Variants in GRIK1 observed in about 807,000 individuals in gnomAD.
GRIK1 encodes the protein glutamate ionotropic receptor kainate type subunit 1.
A neutral mutation model predicts 105.7 loss-of-function variants in GRIK1; 69 were observed. The ratio of observed to expected loss-of-function variants is 0.65; its 90% confidence interval spans 0.54 to 0.80. GRIK1 has a LOEUF of 0.80. GRIK1 is among the 30% of genes least tolerant of loss of function. The pLI is 0.00. For synonymous variants in GRIK1, 438 were observed against 431.3 expected, an observed-to-expected ratio of 1.02 and a Z score of -0.19; for missense variants, 1,109 against 1,167.3, an observed-to-expected ratio of 0.95 and a Z score of 0.73.
intron 1 of GRIK1, among the ~76,000 whole-genome samples, chr21:29,853,056 CT>C (rs1324785021): frequency 6.6e-6 from 1 of 152,080 alleles, no homozygotes; most frequent in Non-Finnish European, 1.5e-5. Flanking sequence ...TGAAAATATT[CT>C]TTTATATAAA....
chr21:29,700,657 A>G (rs996690734), intron 1 of GRIK1, among the ~76,000 whole-genome samples: 1 of 152,040 alleles, frequency 6.6e-6, no homozygotes, highest in Non-Finnish European at 1.5e-5. Context: ...CACTGTTTCC[A>G]TGGAACAGGG....
intron 1 of GRIK1, among the ~76,000 whole-genome samples, chr21:29,829,102 T>A (rs1388114604): frequency 6.6e-6 from 1 of 152,106 alleles, no homozygotes; most frequent in East Asian, 1.9e-4. Context: ...AGGATGAGGA[T>A]CCTGAATTAA....
chr21:29,771,940 A>C (rs898180583), intron 1 of GRIK1, among the ~76,000 whole-genome samples: 4 of 152,234 alleles, frequency 2.6e-5, no homozygotes, highest in African/African-American at 9.6e-5. Flanking sequence ...ACACTCAGCA[A>C]GCAGCTCTGG....
At chr21:29,541,100 TG>T (rs2123646883) in intron 16 of GRIK1, among the ~76,000 whole-genome samples, 1 of 152,216 alleles carries the variant, frequency 6.6e-6, no homozygotes, top group East Asian at 1.9e-4. Flanking sequence ...CCCGAGTAGC[TG>T]GGACTACAGG....
At chr21:29,574,059 T>C (rs1263280689) in intron 14 of GRIK1, among the ~76,000 whole-genome samples, 1 of 152,152 alleles carries the variant, frequency 6.6e-6, no homozygotes, top group African/African-American at 2.4e-5. Flanking sequence ...AAATACTGTA[T>C]AAACTTACCT....
chr21:29,596,444 A>T (rs2061414243), intron 9 of GRIK1, 82 bp downstream of exon 9: 1 of 902,040 alleles, frequency 1.1e-6, no homozygotes, highest in Non-Finnish European at 1.9e-6. Context: ...CAGGTCTGGT[A>T]ACATTGGAAG....
chr21:29,877,937 C>T (rs1022762628), intron 1 of GRIK1, among the ~76,000 whole-genome samples: 7 of 151,916 alleles, frequency 4.6e-5, no homozygotes, highest in Admixed American at 4.6e-4. Flanking sequence ...TGAAAAAACA[C>T]GATAAAAGAA....
intron 1 of GRIK1, among the ~76,000 whole-genome samples, chr21:29,801,458 G>T (rs912569734): frequency 6.6e-6 from 1 of 152,028 alleles, no homozygotes; most frequent in African/African-American, 2.4e-5. Context: ...ATTTGCTGAA[G>T]CTTGAAATGT....
intron 7 of GRIK1, among the ~76,000 whole-genome samples, chr21:29,607,399 T>TA (rs374011528): frequency 0.047 from 6,499 of 138,296 alleles, 158 homozygotes; most frequent in African/African-American, 0.087. Context: ...CTCTGGAAAT[T>TA]AAAAAAAAAA....
intron 1 of GRIK1, among the ~76,000 whole-genome samples, chr21:29,715,860 A>C (rs2064164943): frequency 6.6e-6 from 1 of 152,046 alleles, no homozygotes; most frequent in Non-Finnish European, 1.5e-5. Flanking sequence ...ATCTTATTAT[A>C]ATCCTTACAA....
intron 1 of GRIK1, among the ~76,000 whole-genome samples, chr21:29,867,917 AAAGAGAGAAAGAGAGAGAAAG>A (rs1569174503): frequency 6.0e-5 from 8 of 133,862 alleles, no homozygotes; most frequent in African/African-American, 2.7e-4. Flanking sequence ...AAAGAGAGAG[AAAGAGAGAAAGAGAGAGAAAG>A]AGAGAGAGAA....
intron 7 of GRIK1, among the ~76,000 whole-genome samples, chr21:29,622,479 G>A (rs1422250947): frequency 6.6e-6 from 1 of 152,104 alleles, no homozygotes; most frequent in Non-Finnish European, 1.5e-5. Flanking sequence ...CCACCAGCTT[G>A]GTACATTCAT....
At chr21:29,937,926 T>C (rs1048001391) in intron 1 of GRIK1, among the ~76,000 whole-genome samples, 1 of 152,010 alleles carries the variant, frequency 6.6e-6, no homozygotes, top group Non-Finnish European at 1.5e-5. Flanking sequence ...TTTAAAAAAA[T>C]AAATACTTTG....
intron 16 of GRIK1, among the ~76,000 whole-genome samples, chr21:29,546,690 T>A (rs1568794697): frequency 6.6e-6 from 1 of 152,220 alleles, no homozygotes; most frequent in East Asian, 1.9e-4. Flanking sequence ...GGGTTTTGGC[T>A]CTGGCCAATT....
intron 7 of GRIK1, among the ~76,000 whole-genome samples, chr21:29,630,233 G>A (rs546636015): frequency 6.6e-6 from 1 of 152,256 alleles, no homozygotes; most frequent in Admixed American, 6.5e-5. Context: ...GAAAAATATA[G>A]TATGGAGAAA....
chr21:29,712,450 G>A (rs562344032), intron 1 of GRIK1, among the ~76,000 whole-genome samples: 93 of 151,816 alleles, frequency 6.1e-4, no homozygotes, highest in South Asian at 2.3e-3. Flanking sequence ...ATCTTGATGC[G>A]TATCACCTAA....
chr21:29,899,229 T>G (rs457060), intron 1 of GRIK1, among the ~76,000 whole-genome samples: 1 of 152,220 alleles, frequency 6.6e-6, no homozygotes, highest in South Asian at 2.1e-4. Flanking sequence ...TCTGAGGTCA[T>G]TCAGGGCTTT....
At chr21:29,824,975 A>G (rs1013897607) in intron 1 of GRIK1, among the ~76,000 whole-genome samples, 1 of 152,058 alleles carries the variant, frequency 6.6e-6, no homozygotes, top group South Asian at 2.1e-4. Flanking sequence ...GATGATAGGT[A>G]TATTTTAAAG....
chr21:29,736,785 C>A (rs2064802627), intron 1 of GRIK1, among the ~76,000 whole-genome samples: 1 of 150,662 alleles, frequency 6.6e-6, no homozygotes, highest in Admixed American at 6.6e-5. Flanking sequence ...TCAAGCAATT[C>A]TCCTGCCTCA....
Sources: gnomAD v4.1 joint callset for allele counts (sites outside exome capture counted in the v4.1 genomes callset) on GRCh38, gnomAD v4.1.1 for gene constraint, MANE v1.5 for transcripts, NCBI Gene and HGNC (gene_info 2026-07-23, HGNC 2026-07-21) for gene names.